Variants in RAB19 observed in about 807,000 individuals in gnomAD.
RAB19 encodes the protein RAB19, member RAS oncogene family.
Under a neutral mutation model 17.3 loss-of-function variants are expected in RAB19, and 21 were observed. The ratio of observed to expected loss-of-function variants is 1.21; its 90% CI spans 0.86 to 1.74. The LOEUF is 1.74. Among genes scored for constraint, RAB19 ranks in the 40% most tolerant of loss-of-function variants. The probability of loss-of-function intolerance (pLI) is 0.00; values close to 1 mark genes in which losing one functional copy is unlikely to be tolerated. For synonymous variants in RAB19, 126 were observed against 110.4 expected, an observed-to-expected ratio of 1.14 and a Z score of -0.88; for missense variants, 277 against 286.8, an observed-to-expected ratio of 0.97 and a Z score of 0.25.
intron 1 of RAB19, among the ~76,000 whole-genome samples, chr7:140,407,066 G>T (rs1799255857): frequency 6.6e-6 from 1 of 152,086 alleles, no homozygotes; most frequent in Non-Finnish European, 1.5e-5. Flanking sequence ...TGTATTTTTA[G>T]TAGAGATGGG....
intron 3 of RAB19, among the ~76,000 whole-genome samples, chr7:140,418,486 G>C (rs186319226): frequency 6.6e-4 from 99 of 151,124 alleles, no homozygotes; most frequent in African/African-American, 2.3e-3. Context: ...TGAGGCAGGA[G>C]AATTGCTTGA....
intron 3 of RAB19, among the ~76,000 whole-genome samples, chr7:140,421,216 G>A (rs1168732073): frequency 1.3e-5 from 2 of 151,888 alleles, no homozygotes; most frequent in African/African-American, 2.4e-5. Context: ...TTTATAGATA[G>A]GGTCCAACTC....
intron 2 of RAB19, among the ~76,000 whole-genome samples, chr7:140,410,099 T>G (rs1799325495): frequency 6.6e-6 from 1 of 151,574 alleles, no homozygotes; most frequent in South Asian, 2.1e-4. Context: ...AAAATCTCAT[T>G]AATTATTGAA....
chr7:140,416,106 G>T (rs1799453147), intron 3 of RAB19, among the ~76,000 whole-genome samples: 1 of 152,008 alleles, frequency 6.6e-6, no homozygotes, highest in Non-Finnish European at 1.5e-5. Flanking sequence ...ACTTTGGGAG[G>T]CCAAGGCGGG....
At chr7:140,425,643 G>C (rs796486163) in intron 3 of RAB19, among the ~76,000 whole-genome samples, 3 of 151,840 alleles carry the variant, frequency 2.0e-5, no homozygotes, top group African/African-American at 7.2e-5. Flanking sequence ...AGAATCGCTT[G>C]AACCTGGGAG....
intron 3 of RAB19, among the ~76,000 whole-genome samples, chr7:140,421,889 C>T (rs1799568423): frequency 6.6e-6 from 1 of 152,132 alleles, no homozygotes; most frequent in African/African-American, 2.4e-5. Context: ...ATAATGATTG[C>T]TTCCTGTGTC....
intron 3 of RAB19, among the ~76,000 whole-genome samples, chr7:140,421,905 T>G (rs1046269451): frequency 6.6e-6 from 1 of 152,226 alleles, no homozygotes; most frequent in Non-Finnish European, 1.5e-5. Flanking sequence ...GTGTCCTATT[T>G]AGGAAATTTT....
Position 140,424,609 on chromosome 7 carries a change from CTCTCTCTCTCTATATA to C in RAB19, c.386-1271_386-1256del, listed in dbSNP as rs1245793314. Among the ~76,000 whole-genome samples, 612 of 83,626 alleles carry C rather than the reference CTCTCTCTCTCTATATA, an allele frequency of 7.3e-3. 1 individual carries two copies. The highest frequency in any genetic ancestry group is 8.5e-3 in the Non-Finnish European group (299 of 35,264). The allele number at this position is 83,626 out of a possible 152,430, so 54.9% of individuals were successfully genotyped here. The stretch of plus-strand genomic sequence containing the variant: ...TCCCTCTCTCTCTCTCTCTCTCTCT[CTCTCTCTCTCTATATA>C]TATATATATATATATGTGTGTGTGT... On this transcript the variant is annotated intron_variant, in intron 3 of 3. Coordinates refer to ENST00000537763, the MANE Select transcript of RAB19 (RefSeq NM_001008749.3).
intron 3 of RAB19, among the ~76,000 whole-genome samples, chr7:140,420,455 G>A (rs1256901860): frequency 6.6e-6 from 1 of 151,450 alleles, no homozygotes; most frequent in Non-Finnish European, 1.5e-5. Flanking sequence ...AGAAGAAGGA[G>A]CAGAAGGAGG....
At chr7:140,411,571 A>T (rs1363403148) in intron 2 of RAB19, among the ~76,000 whole-genome samples, 1 of 152,012 alleles carries the variant, frequency 6.6e-6, no homozygotes, top group South Asian at 2.1e-4. Context: ...AACTCATAAT[A>T]TTTTAAGAAA....
intron 3 of RAB19, among the ~76,000 whole-genome samples, chr7:140,416,518 A>G (rs1799460599): frequency 2.0e-5 from 3 of 152,046 alleles, no homozygotes; most frequent in Admixed American, 1.3e-4. Context: ...GGTCCATAGC[A>G]TATGTTATTT....
chr7:140,410,204 C>T (rs938137150), intron 2 of RAB19, among the ~76,000 whole-genome samples: 5 of 151,256 alleles, frequency 3.3e-5, no homozygotes, highest in Admixed American at 2.0e-4. Flanking sequence ...ATGATCTCAG[C>T]TCGCTATAGC....
At chr7:140,421,427 C>T (rs1187277244) in intron 3 of RAB19, among the ~76,000 whole-genome samples, 1 of 151,610 alleles carries the variant, frequency 6.6e-6, no homozygotes, top group Non-Finnish European at 1.5e-5. Context: ...GTGGCCCAAT[C>T]TTGCTTCACT....
At chr7:140,405,085 C>G (rs1799211355) in intron 1 of RAB19, among the ~76,000 whole-genome samples, 1 of 151,960 alleles carries the variant, frequency 6.6e-6, no homozygotes, top group Admixed American at 6.6e-5. Context: ...GAGTAAGTTT[C>G]AGGTAGGTGA....
chr7:140,424,134 C>T (rs1450626886), intron 3 of RAB19, among the ~76,000 whole-genome samples: 3 of 149,066 alleles, frequency 2.0e-5, no homozygotes, highest in Non-Finnish European at 3.0e-5. Context: ...GGATTGCAGG[C>T]GTGAGCCACT....
At position 140,411,877 on chromosome 7, in the gene RAB19, C is replaced by A; in HGVS notation, c.205C>A (p.Gln69Lys). ...TCTCCTTCCTGTCCTTCTCCAGATG[C>A]AGGTGTGGGACACAGCTGGCCAGGA... is the stretch of plus-strand genomic sequence containing the variant. Reference protein sequence around the residue: ...LDIDGKKVKMQVWDTAGQERF... With the variant: ...LDIDGKKVKMKVWDTAGQERF... Residue 69 changes from glutamine to lysine, a missense_variant, in exon 3 of 4, where the codon CAG becomes AAG. Physicochemically the swap from Gln to Lys is moderately conservative, Grantham distance 53. Transcript: ENST00000537763. The A allele has an allele frequency of 1.9e-6, 3 of 1,614,168 alleles. No individual in the cohort carries two copies. The highest frequency in any genetic ancestry group is 2.5e-6 in the Non-Finnish European group (3 of 1,180,026).
At chr7:140,419,462 A>G (rs1346012918) in intron 3 of RAB19, among the ~76,000 whole-genome samples, 5 of 152,066 alleles carry the variant, frequency 3.3e-5, no homozygotes, top group Non-Finnish European at 4.4e-5. Flanking sequence ...AGTTTCATCC[A>G]TCGTTGCATG....
intron 2 of RAB19, 33 bp downstream of exon 2, chr7:140,407,880 CTTTT>C (rs71170993): frequency 0.12 from 76,933 of 623,974 alleles, 2,872 homozygotes; most frequent in East Asian, 0.21. Flanking sequence ...CTGGTTCCAC[CTTTT>C]TTTTTTTTTT....
intron 3 of RAB19, among the ~76,000 whole-genome samples, chr7:140,416,150 C>T (rs1799454176): frequency 6.6e-6 from 1 of 152,020 alleles, no homozygotes; most frequent in Non-Finnish European, 1.5e-5. Context: ...CGAGACCAGC[C>T]TGACCAACAT....
Sources: allele counts gnomAD v4.1 joint callset (sites outside exome capture counted in the v4.1 genomes callset), GRCh38; gene constraint gnomAD v4.1.1; transcripts MANE v1.5; gene names NCBI Gene and HGNC (gene_info 2026-07-23, HGNC 2026-07-21).